The following MACROD2 variants were observed in gnomAD, a reference collection of about 807,000 sequenced individuals.
The protein encoded by MACROD2 is mono-ADP ribosylhydrolase 2, also known as ADP-ribose glycohydrolase MACROD2.
MACROD2 carries 36 observed loss-of-function variants against 70.4 expected under a neutral mutation model. The observed-to-expected ratio is 0.51, with a 90% CI of 0.39 to 0.68. The LOEUF (loss-of-function observed/expected upper bound fraction) is 0.68, where lower values mean the gene tolerates loss of function less well. Ranked by LOEUF, MACROD2 falls within the 30% of genes least tolerant of loss-of-function variation. The pLI is 0.00. For missense variants in MACROD2, 496 were observed against 538.4 expected, an observed-to-expected ratio of 0.92 and a Z score of 0.78; for synonymous variants, 172 against 178.8, an observed-to-expected ratio of 0.96 and a Z score of 0.30.
At chr20:14,665,681 T>G (rs1483314909) in intron 4 of MACROD2, among the ~76,000 whole-genome samples, 1 of 152,106 alleles carries the variant, frequency 6.6e-6, no homozygotes, top group Non-Finnish European at 1.5e-5. Context: ...TACTCCTAAA[T>G]TAGTATATTA....
At chr20:14,818,672 T>C (rs2072801886) in intron 5 of MACROD2, among the ~76,000 whole-genome samples, 1 of 151,936 alleles carries the variant, frequency 6.6e-6, no homozygotes, top group Non-Finnish European at 1.5e-5. Flanking sequence ...TATTACATTT[T>C]TTGAAGGAGT....
intron 5 of MACROD2, among the ~76,000 whole-genome samples, chr20:15,077,525 A>ACCT (rs2075667456): frequency 6.6e-6 from 1 of 152,188 alleles, no homozygotes; most frequent in Non-Finnish European, 1.5e-5. Flanking sequence ...AGTGTGGTAA[A>ACCT]TCATTTTTCT....
intron 4 of MACROD2, among the ~76,000 whole-genome samples, chr20:14,599,346 A>G (rs905670871): frequency 6.6e-6 from 1 of 152,004 alleles, no homozygotes; most frequent in African/African-American, 2.4e-5. Flanking sequence ...TTGGTGGGAG[A>G]TAGGAGAATG....
chr20:14,577,586 C>T (rs1265804174), intron 4 of MACROD2, among the ~76,000 whole-genome samples: 1 of 151,944 alleles, frequency 6.6e-6, no homozygotes, highest in East Asian at 1.9e-4. Context: ...TTGAGACCAG[C>T]CTGGGCCACA....
intron 8 of MACROD2, among the ~76,000 whole-genome samples, chr20:15,629,790 G>T (rs1168094302): frequency 1.3e-5 from 2 of 152,196 alleles, no homozygotes; most frequent in African/African-American, 4.8e-5. Flanking sequence ...GGGCTCAGCT[G>T]CCAGGAAGTG....
intron 6 of MACROD2, among the ~76,000 whole-genome samples, chr20:15,235,695 G>T (rs986542625): frequency 2.0e-5 from 3 of 152,132 alleles, no homozygotes; most frequent in African/African-American, 7.2e-5. Flanking sequence ...CTTAAATGTT[G>T]GTTTTATTTC....
At chr20:14,973,382 C>A (rs1273443852) in intron 5 of MACROD2, among the ~76,000 whole-genome samples, 1 of 151,874 alleles carries the variant, frequency 6.6e-6, no homozygotes, top group African/African-American at 2.4e-5. Flanking sequence ...GCCTCCACAC[C>A]TGGCTAATTT....
chr20:15,796,810 C>A (rs945022064), intron 8 of MACROD2, among the ~76,000 whole-genome samples: 1 of 152,162 alleles, frequency 6.6e-6, no homozygotes, highest in African/African-American at 2.4e-5. Flanking sequence ...CAAAAGCAAG[C>A]AAACTTGACT....
At chr20:15,134,795 G>T (rs2076133804) in intron 5 of MACROD2, among the ~76,000 whole-genome samples, 1 of 151,944 alleles carries the variant, frequency 6.6e-6, no homozygotes, top group Non-Finnish European at 1.5e-5. Flanking sequence ...TTTTTGAAAG[G>T]ATCAACAAAA....
intron 10 of MACROD2, among the ~76,000 whole-genome samples, chr20:15,908,171 C>A (rs1285861923): frequency 6.6e-6 from 1 of 151,990 alleles, no homozygotes; most frequent in African/African-American, 2.4e-5. Flanking sequence ...ATGTTTGCTT[C>A]CCATTGAGAA....
At chr20:14,736,992 G>C (rs117255733) in intron 5 of MACROD2, among the ~76,000 whole-genome samples, 6 of 151,926 alleles carry the variant, frequency 3.9e-5, no homozygotes, top group African/African-American at 1.2e-4. Context: ...TCTGGGACAC[G>C]TGTGCAGAAT....
chr20:15,089,253 C>G (rs1264161584), intron 5 of MACROD2, among the ~76,000 whole-genome samples: 4 of 152,160 alleles, frequency 2.6e-5, no homozygotes, highest in Admixed American at 6.5e-5. Flanking sequence ...TGTATTATCT[C>G]TTATAGCTCC....
At chr20:14,662,444 G>A (rs1196301437) in intron 4 of MACROD2, among the ~76,000 whole-genome samples, 2 of 151,522 alleles carry the variant, frequency 1.3e-5, no homozygotes, top group South Asian at 2.1e-4. Context: ...ATTTTATGAC[G>A]AAGACATCAA....
chr20:14,880,585 A>T (rs2073599758), intron 5 of MACROD2, among the ~76,000 whole-genome samples: 1 of 152,090 alleles, frequency 6.6e-6, no homozygotes, highest in Non-Finnish European at 1.5e-5. Flanking sequence ...CAGGTCCCCA[A>T]ATCCTCTGCT....
At chr20:15,586,937 A>G (rs2048610851) in intron 8 of MACROD2, among the ~76,000 whole-genome samples, 1 of 152,338 alleles carries the variant, frequency 6.6e-6, no homozygotes, top group Non-Finnish European at 1.5e-5. Flanking sequence ...ACAAAGAAAG[A>G]CTTGAACCAA....
chr20:14,364,695 G>T (rs1304030357), intron 3 of MACROD2, among the ~76,000 whole-genome samples: 1 of 152,144 alleles, frequency 6.6e-6, no homozygotes, highest in Non-Finnish European at 1.5e-5. Context: ...TCACACAAAT[G>T]GGAATTGTAC....
intron 15 of MACROD2, among the ~76,000 whole-genome samples, chr20:15,993,863 T>C (rs2066592729): frequency 6.6e-6 from 1 of 152,194 alleles, no homozygotes; most frequent in Non-Finnish European, 1.5e-5. Flanking sequence ...TGTTACCTTC[T>C]ACCTGTACAG....
At chr20:14,950,043 T>C (rs1294066543) in intron 5 of MACROD2, among the ~76,000 whole-genome samples, 1 of 152,146 alleles carries the variant, frequency 6.6e-6, no homozygotes, top group African/African-American at 2.4e-5. Context: ...CTTGACCATC[T>C]CTAGGGTTGT....
At chr20:15,915,648 T>C (rs2065303080) in intron 10 of MACROD2, among the ~76,000 whole-genome samples, 1 of 152,114 alleles carries the variant, frequency 6.6e-6, no homozygotes, top group African/African-American at 2.4e-5. Flanking sequence ...TTCACACCCA[T>C]GGTTTTTTGA....
Sources: gnomAD v4.1 joint callset for allele counts (sites outside exome capture counted in the v4.1 genomes callset) on GRCh38, gnomAD v4.1.1 for gene constraint, MANE v1.5 for transcripts, NCBI Gene and HGNC (gene_info 2026-07-23, HGNC 2026-07-21) for gene names.